SUGCT: variants seen among roughly 807,000 people sequenced by gnomAD.
SUGCT encodes succinyl-CoA:glutarate-CoA transferase.
A neutral mutation model predicts 55.0 loss-of-function variants in SUGCT; 41 were observed. The observed-to-expected ratio is 0.74, with a 90% CI of 0.58 to 0.97. The LOEUF (loss-of-function observed/expected upper bound fraction) is 0.97, where lower values mean the gene tolerates loss of function less well. Ranked by LOEUF, SUGCT falls within the 50% of genes least tolerant of loss-of-function variation. SUGCT has a pLI of 0.00. For missense variants in SUGCT, 568 were observed against 547.8 expected, an observed-to-expected ratio of 1.04 and a Z score of -0.37; for synonymous variants, 187 against 200.4, an observed-to-expected ratio of 0.93 and a Z score of 0.56.
the SUGCT span, among the ~76,000 whole-genome samples, chr7:40,967,783 G>A: frequency 1.3e-5 from 2 of 148,752 alleles, no homozygotes; most frequent in Admixed American, 1.3e-4. Flanking sequence ...ACCACGCCCA[G>A]CTAATTTTTT....
intron 9 of SUGCT, among the ~76,000 whole-genome samples, chr7:40,326,578 A>G (rs2151136352): frequency 6.6e-6 from 1 of 152,292 alleles, no homozygotes; most frequent in East Asian, 1.9e-4. Flanking sequence ...TTTTGTTTTA[A>G]AAAAACTCTT....
At chr7:40,611,123 T>C (rs1798748552) in intron 12 of SUGCT, among the ~76,000 whole-genome samples, 1 of 152,030 alleles carries the variant, frequency 6.6e-6, no homozygotes, top group South Asian at 2.1e-4. Flanking sequence ...GGTTCACTCA[T>C]ACAGTTTTTT....
At chr7:40,323,127 G>C (rs1352837228) in intron 9 of SUGCT, among the ~76,000 whole-genome samples, 2 of 151,586 alleles carry the variant, frequency 1.3e-5, no homozygotes, top group African/African-American at 4.8e-5. Flanking sequence ...CTCTTCTTTT[G>C]ACCCAGTCAT....
intron 3 of SUGCT, among the ~76,000 whole-genome samples, chr7:40,183,304 C>T (rs1357657925): frequency 6.6e-6 from 1 of 152,104 alleles, no homozygotes; most frequent in African/African-American, 2.4e-5. Context: ...CAAAAAACCT[C>T]AAATACTCCA....
the SUGCT span, among the ~76,000 whole-genome samples, chr7:40,954,204 C>G: frequency 6.6e-6 from 1 of 152,184 alleles, no homozygotes; most frequent in Non-Finnish European, 1.5e-5. Context: ...TCTCAGACTG[C>G]TGTGCTAGCA....
At chr7:40,206,628 G>A (rs1413689970) in intron 6 of SUGCT, among the ~76,000 whole-genome samples, 8 of 152,146 alleles carry the variant, frequency 5.3e-5, no homozygotes, top group African/African-American at 1.2e-4. Context: ...GTGGATGTTC[G>A]AATCTCTGAT....
At chr7:40,614,133 T>G (rs1353723293) in intron 12 of SUGCT, among the ~76,000 whole-genome samples, 5 of 152,138 alleles carry the variant, frequency 3.3e-5, no homozygotes, top group African/African-American at 1.2e-4. Flanking sequence ...GGCTGTTTTT[T>G]TTTTTTAACT....
chr7:40,754,211 G>A (rs1465610724), intron 13 of SUGCT, among the ~76,000 whole-genome samples: 1 of 152,118 alleles, frequency 6.6e-6, no homozygotes, highest in Non-Finnish European at 1.5e-5. Context: ...GAGAGACAAA[G>A]AAAAATGAAC....
Position 40,558,382 on chromosome 7 carries a change from A to G in SUGCT, c.1089+61996A>G, listed in dbSNP as rs997663022. Among the ~76,000 whole-genome samples the G allele has an allele frequency of 3.3e-5, 5 of 150,388 alleles. No homozygotes were observed. In the East Asian group the frequency reaches 9.6e-4, roughly 29 times the overall value. On this transcript the variant is annotated intron_variant, in intron 12 of 13. Coordinates refer to ENST00000335693, the MANE Select transcript of SUGCT (RefSeq NM_001193313.2). ...AAACAACTGAAGTGTCTGTCAATGG[A>G]TGATTGGATAAACAAAACATAGTAT... is the stretch of plus-strand genomic sequence containing the variant.
rs745799162 is a variant in SUGCT at position 40,694,993 on chromosome 7, T to C, written c.1090-54441T>C. ...AGACACATTTGTGCAGCTATCCCCT[T>C]TGTTTTATGATGTAAATCTTGTTTT... On this transcript the variant is annotated intron_variant, in intron 12 of 13. Coordinates refer to ENST00000335693, the MANE Select transcript of SUGCT (RefSeq NM_001193313.2). 2.0e-5 allele frequency among the ~76,000 whole-genome samples: 3 copies of C among 152,238 alleles called. No homozygotes were observed. The South Asian group carries it at 6.2e-4, about 32-fold the overall frequency.
intron 9 of SUGCT, among the ~76,000 whole-genome samples, chr7:40,395,589 A>T (rs1156833491): frequency 6.6e-6 from 1 of 150,910 alleles, no homozygotes; most frequent in Non-Finnish European, 1.5e-5. Flanking sequence ...GATCAAAGTG[A>T]TTTGTATGCA....
chr7:41,035,796 G>A, the SUGCT span, among the ~76,000 whole-genome samples: 5 of 152,248 alleles, frequency 3.3e-5, no homozygotes, highest in Middle Eastern at 3.4e-3. Flanking sequence ...CTCTGGCCAC[G>A]CAGCTTCCTC....
chr7:40,220,046 A>G (rs778353923), intron 6 of SUGCT, among the ~76,000 whole-genome samples: 11 of 152,226 alleles, frequency 7.2e-5, no homozygotes, highest in Non-Finnish European at 1.5e-4. Context: ...AATAGGAGAC[A>G]CATGATTTAT....
the SUGCT span, among the ~76,000 whole-genome samples, chr7:40,866,080 C>A: frequency 6.6e-6 from 1 of 152,172 alleles, no homozygotes; most frequent in Non-Finnish European, 1.5e-5. Flanking sequence ...CCCTTCCTCT[C>A]CCCTAGAACT....
chr7:40,394,361 A>G (rs1314993404), intron 9 of SUGCT, among the ~76,000 whole-genome samples: 1 of 152,200 alleles, frequency 6.6e-6, no homozygotes, highest in East Asian at 1.9e-4. Context: ...TGGTCTATAC[A>G]GTCCCTGTTG....
chr7:40,244,330 A>G (rs1354344096), intron 7 of SUGCT, among the ~76,000 whole-genome samples: 1 of 152,214 alleles, frequency 6.6e-6, no homozygotes, highest in Non-Finnish European at 1.5e-5. Flanking sequence ...GAGATCACAC[A>G]GTGGAAAACA....
downstream of SUGCT, among the ~76,000 whole-genome samples, chr7:40,864,096 A>G (rs1300602584): frequency 6.6e-6 from 1 of 152,138 alleles, no homozygotes; most frequent in African/African-American, 2.4e-5. Context: ...TACTGCTTTC[A>G]TGAGATGCTT....
At chr7:40,406,900 C>T (rs1345727894) in intron 9 of SUGCT, among the ~76,000 whole-genome samples, 1 of 152,042 alleles carries the variant, frequency 6.6e-6, no homozygotes. Flanking sequence ...GGACTAGAAA[C>T]AAAGGATCCC....
At chr7:40,453,949 A>T (rs1268379264) in intron 10 of SUGCT, among the ~76,000 whole-genome samples, 1 of 152,240 alleles carries the variant, frequency 6.6e-6, no homozygotes, top group East Asian at 1.9e-4. Flanking sequence ...AATATTTAGC[A>T]AAGAAATATA....
Sources: gnomAD v4.1 joint callset for allele counts (sites outside exome capture counted in the v4.1 genomes callset) on GRCh38, gnomAD v4.1.1 for gene constraint, MANE v1.5 for transcripts, NCBI Gene and HGNC (gene_info 2026-07-23, HGNC 2026-07-21) for gene names.